ZNF804B: variants seen among roughly 807,000 people sequenced by gnomAD.
ZNF804B encodes the protein zinc finger 804B.
In ZNF804B, 80 loss-of-function variants were observed where a neutral mutation model predicts 101.4. The ratio of observed to expected loss-of-function variants is 0.79; its 90% CI spans 0.66 to 0.95. The LOEUF is 0.95. ZNF804B is among the 40% of genes least tolerant of loss of function. ZNF804B has a pLI of 0.00. For missense variants in ZNF804B, 1,673 were observed against 1,561.9 expected, an observed-to-expected ratio of 1.07 and a Z score of -1.20; for synonymous variants, 622 against 558.8, an observed-to-expected ratio of 1.11 and a Z score of -1.59.
chr7:89,281,177 T>C (rs928342031), intron 2 of ZNF804B, among the ~76,000 whole-genome samples: 4 of 152,206 alleles, frequency 2.6e-5, no homozygotes, highest in Non-Finnish European at 5.9e-5. Flanking sequence ...ATGATTGCTA[T>C]AGATGATAAG....
At chr7:89,306,350 C>A (rs1302039357) in intron 2 of ZNF804B, among the ~76,000 whole-genome samples, 1 of 151,998 alleles carries the variant, frequency 6.6e-6, no homozygotes, top group Non-Finnish European at 1.5e-5. Flanking sequence ...TTCACAAAGT[C>A]AAGGATTCCA....
chr7:89,290,902 G>A (rs1790278287), intron 2 of ZNF804B, among the ~76,000 whole-genome samples: 1 of 152,156 alleles, frequency 6.6e-6, no homozygotes, highest in African/African-American at 2.4e-5. Context: ...GGGTACTACA[G>A]TCACTCCAAC....
intron 2 of ZNF804B, among the ~76,000 whole-genome samples, chr7:89,292,202 G>A (rs1214644002): frequency 6.6e-6 from 1 of 152,102 alleles, no homozygotes; most frequent in African/African-American, 2.4e-5. Context: ...AAGAAATCAT[G>A]TGAAGGTATA....
intron 2 of ZNF804B, among the ~76,000 whole-genome samples, chr7:89,289,501 C>G (rs529415523): frequency 6.6e-6 from 1 of 152,288 alleles, no homozygotes; most frequent in Non-Finnish European, 1.5e-5. Context: ...CCCTTTCCCA[C>G]CCCTAGCAGC....
chr7:89,185,568 A>C (rs1788363743), intron 1 of ZNF804B, among the ~76,000 whole-genome samples: 1 of 152,212 alleles, frequency 6.6e-6, no homozygotes, highest in South Asian at 2.1e-4. Flanking sequence ...CGTATTGAAA[A>C]GACAGGATCT....
intron 1 of ZNF804B, among the ~76,000 whole-genome samples, chr7:89,079,139 T>C (rs181412505): frequency 2.5e-4 from 38 of 152,170 alleles, no homozygotes; most frequent in Admixed American, 2.4e-3. Flanking sequence ...ATAAATTTCA[T>C]AGAGGCCACA....
chr7:88,908,363 A>G (rs1350758590), intron 1 of ZNF804B, among the ~76,000 whole-genome samples: 1 of 151,762 alleles, frequency 6.6e-6, no homozygotes, highest in Non-Finnish European at 1.5e-5. Flanking sequence ...CTCCCAGAAA[A>G]ATAATGAACA....
chr7:88,997,657 G>T (rs1267122071), intron 1 of ZNF804B, among the ~76,000 whole-genome samples: 2 of 152,000 alleles, frequency 1.3e-5, no homozygotes, highest in East Asian at 3.9e-4. Flanking sequence ...GAAACCTGAA[G>T]GAATCATCTA....
intron 1 of ZNF804B, among the ~76,000 whole-genome samples, chr7:88,966,085 A>C (rs532438226): frequency 2.2e-4 from 33 of 151,496 alleles, no homozygotes; most frequent in Non-Finnish European, 3.5e-4. Context: ...AGAAGCTTTC[A>C]TAATTTTTTT....
chr7:89,307,403 T>A (rs1407156915), intron 2 of ZNF804B, among the ~76,000 whole-genome samples: 1 of 152,048 alleles, frequency 6.6e-6, no homozygotes, highest in Non-Finnish European at 1.5e-5. Context: ...ATAAACATTC[T>A]AAATTTGCAT....
intron 1 of ZNF804B, among the ~76,000 whole-genome samples, chr7:89,109,803 G>C (rs192673070): frequency 6.6e-6 from 1 of 152,066 alleles, no homozygotes; most frequent in African/African-American, 2.4e-5. Flanking sequence ...TCTTTTCTGG[G>C]AGATGAAATA....
chr7:89,243,304 T>A (rs1242246685), intron 2 of ZNF804B, among the ~76,000 whole-genome samples: 1 of 151,604 alleles, frequency 6.6e-6, no homozygotes, highest in Non-Finnish European at 1.5e-5. Context: ...CACGAGGATA[T>A]AATTTACTGG....
chr7:88,883,497 C>T (rs533201965), intron 1 of ZNF804B, among the ~76,000 whole-genome samples: 2 of 152,200 alleles, frequency 1.3e-5, no homozygotes, highest in East Asian at 1.9e-4. Context: ...TTACTCAACA[C>T]ACTTGTCCAA....
At chr7:89,059,622 G>T (rs1347183984) in intron 1 of ZNF804B, among the ~76,000 whole-genome samples, 1 of 152,134 alleles carries the variant, frequency 6.6e-6, no homozygotes, top group Non-Finnish European at 1.5e-5. Context: ...ATGAGATTTA[G>T]AAGGGGCACA....
chr7:88,941,754 G>T (rs1021461907), intron 1 of ZNF804B, among the ~76,000 whole-genome samples: 2 of 151,928 alleles, frequency 1.3e-5, no homozygotes, highest in Admixed American at 6.6e-5. Flanking sequence ...AATATAAATT[G>T]TGGACTTTAG....
At chr7:88,886,498 A>T (rs545056885) in intron 1 of ZNF804B, among the ~76,000 whole-genome samples, 1 of 152,310 alleles carries the variant, frequency 6.6e-6, no homozygotes, top group African/African-American at 2.4e-5. Flanking sequence ...TTCTGCAGTG[A>T]TAAATTTCAG....
chr7:89,280,473 G>A (rs992040279), intron 2 of ZNF804B, among the ~76,000 whole-genome samples: 3 of 151,996 alleles, frequency 2.0e-5, no homozygotes, highest in Admixed American at 2.0e-4. Context: ...TCCAGGAGCT[G>A]GTTTTTTGAA....
chr7:89,305,507 G>T (rs1222742757), intron 2 of ZNF804B, among the ~76,000 whole-genome samples: 5 of 151,888 alleles, frequency 3.3e-5, no homozygotes, highest in South Asian at 2.1e-4. Flanking sequence ...AGGTAATTAG[G>T]TGTTCTTCCT....
chr7:89,192,863 A>G (rs1788479126), intron 1 of ZNF804B, among the ~76,000 whole-genome samples: 1 of 152,112 alleles, frequency 6.6e-6, no homozygotes, highest in African/African-American at 2.4e-5. Flanking sequence ...AAATAAATAA[A>G]CATGATTAAT....
Sources: allele counts gnomAD v4.1 joint callset (sites outside exome capture counted in the v4.1 genomes callset), GRCh38; gene constraint gnomAD v4.1.1; transcripts MANE v1.5; gene names NCBI Gene and HGNC (gene_info 2026-07-23, HGNC 2026-07-21).